Variants in SMOC1 observed in about 807,000 individuals in gnomAD.
The protein encoded by SMOC1 is SPARC related modular calcium binding 1, also known as SPARC-related modular calcium-binding protein 1.
Under a neutral mutation model 56.3 loss-of-function variants are expected in SMOC1, and 22 were observed. That is an observed-to-expected ratio of 0.39 (90% CI 0.28 to 0.56). SMOC1 has a LOEUF of 0.56. Among genes scored for constraint, SMOC1 ranks in the 20% least tolerant of loss-of-function variants. The pLI, the probability that SMOC1 is intolerant of heterozygous loss-of-function variation, is 0.61. For missense variants in SMOC1, 509 were observed against 565.4 expected (o/e 0.90, Z 1.01); for synonymous variants, 193 against 215.0 (o/e 0.90, Z 0.89).
At chr14:70,021,468 A>G (rs1344093286) in intron 10 of SMOC1, among the ~76,000 whole-genome samples, 2 of 152,192 alleles carry the variant, frequency 1.3e-5, no homozygotes, top group Non-Finnish European at 2.9e-5. Context: ...AGACCTCCTG[A>G]GCCTGGTTTC....
At chr14:70,030,015 T>C (rs920333752) in intron 11 of SMOC1, among the ~76,000 whole-genome samples, 1 of 152,172 alleles carries the variant, frequency 6.6e-6, no homozygotes, top group Non-Finnish European at 1.5e-5. Flanking sequence ...GTTGCAGTGG[T>C]GGTGCCTCAT....
Position 69,879,624 on chromosome 14 carries a change from C to A in SMOC1, c.-55C>A. On this transcript the variant is annotated 5_prime_UTR_variant, in exon 1 of 12. Coordinates refer to ENST00000361956, the MANE Select transcript of SMOC1 (RefSeq NM_001034852.3). ...GGAAGGAAGGGAGGCGCGCTGTGCG[C>A]CCCGCGGAGCCCGCGAACCCCGCTC... is the stretch of plus-strand genomic sequence containing the variant. 5.2e-6 allele frequency: 7 copies of A among 1,341,450 alleles called. No individual in the cohort carries two copies. Among genetic ancestry groups the A allele is most frequent in the Non-Finnish European group, 6.8e-6 (7 of 1,035,390 alleles). The allele number at this position is 1,341,450 out of a possible 1,614,324, so 83.1% of individuals were successfully genotyped here. A position where few individuals can be genotyped will look rare whatever the true frequency, so the allele number is the denominator to read the frequency against.
At chr14:69,920,084 T>G (rs940767902) in intron 1 of SMOC1, among the ~76,000 whole-genome samples, 1 of 152,162 alleles carries the variant, frequency 6.6e-6, no homozygotes, top group Non-Finnish European at 1.5e-5. Context: ...TAAAGGGATG[T>G]CTTCAGAGCA....
At chr14:69,892,790 A>G (rs1032278663) in intron 1 of SMOC1, among the ~76,000 whole-genome samples, 8 of 152,190 alleles carry the variant, frequency 5.3e-5, no homozygotes, top group Non-Finnish European at 1.2e-4. Context: ...GGATTCATTA[A>G]AAATCCTAAC....
At position 69,952,249 on chromosome 14, in the gene SMOC1, C is replaced by G; in HGVS notation, c.211C>G (p.Arg71Gly). The change falls in exon 2 of 12, where the codon CGA becomes GGA. Residue 71 changes from arginine (R) to glycine (G), a missense_variant. By Grantham distance (125) the Arg-to-Gly change is moderately radical. Coordinates refer to ENST00000361956, the MANE Select transcript of SMOC1 (RefSeq NM_001034852.3). ...CTACGAGTCCATGTGTGAGTACCAG[C>G]GAGCCAAGTGCCGAGACCCGACCCT... ...RSYESMCEYQ[R>G]AKCRDPTLGV... 6.2e-7 allele frequency: 1 copy of G among 1,614,152 alleles called. No individual in the cohort carries two copies. Among genetic ancestry groups the G allele is most frequent in the Non-Finnish European group, 8.5e-7 (1 of 1,180,022 alleles).
chr14:69,994,042 G>C (rs1046500734), intron 6 of SMOC1, among the ~76,000 whole-genome samples: 1 of 152,224 alleles, frequency 6.6e-6, no homozygotes, highest in African/African-American at 2.4e-5. Flanking sequence ...GCGTTCGTTT[G>C]TTGATTTATC....
chr14:69,994,042 G>A (rs1046500734), intron 6 of SMOC1, among the ~76,000 whole-genome samples: 5 of 152,224 alleles, frequency 3.3e-5, no homozygotes, highest in Admixed American at 3.3e-4. Context: ...GCGTTCGTTT[G>A]TTGATTTATC....
intron 1 of SMOC1, among the ~76,000 whole-genome samples, chr14:69,895,227 T>C (rs1055879338): frequency 3.3e-5 from 5 of 152,248 alleles, no homozygotes; most frequent in African/African-American, 1.2e-4. Context: ...CACCTGACTA[T>C]GCATGCATTT....
At chr14:70,013,588 G>A (rs1885410521) in intron 10 of SMOC1, 97 bp downstream of exon 10, 1 of 999,750 alleles carries the variant, frequency 1.0e-6, no homozygotes, top group East Asian at 2.4e-5. Flanking sequence ...AGGGTTTGAG[G>A]AGGGCAAGGG....
intron 1 of SMOC1, among the ~76,000 whole-genome samples, chr14:69,908,625 T>A (rs1366481864): frequency 6.6e-6 from 1 of 152,230 alleles, no homozygotes; most frequent in Non-Finnish European, 1.5e-5. Context: ...GGCCTCAGCA[T>A]CCTCTTTGCT....
intron 3 of SMOC1, among the ~76,000 whole-genome samples, chr14:69,963,598 G>A (rs1166277520): frequency 1.3e-5 from 2 of 152,032 alleles, no homozygotes; most frequent in African/African-American, 4.8e-5. Context: ...ATCCTCTGTG[G>A]GCATTAAGGT....
At chr14:69,928,234 C>G (rs376224738) in intron 1 of SMOC1, among the ~76,000 whole-genome samples, 1 of 152,170 alleles carries the variant, frequency 6.6e-6, no homozygotes, top group Non-Finnish European at 1.5e-5. Flanking sequence ...TTGGGCTTAC[C>G]TTGAGTCAGC....
intron 1 of SMOC1, among the ~76,000 whole-genome samples, chr14:69,940,452 A>G (rs2139414184): frequency 6.6e-6 from 1 of 152,304 alleles, no homozygotes; most frequent in African/African-American, 2.4e-5. Context: ...ATCTCATAGG[A>G]GTGTTCAGGA....
intron 7 of SMOC1, among the ~76,000 whole-genome samples, chr14:69,996,645 G>A (rs1390731280): frequency 2.6e-5 from 4 of 152,334 alleles, no homozygotes; most frequent in South Asian, 2.1e-4. Flanking sequence ...GCCTGGCCAC[G>A]TTTATTTTTC....
At position 69,896,940 on chromosome 14, in the gene SMOC1, C is replaced by T. The variant is rs74060499; in HGVS notation, c.99+17163C>T. 2.2e-3 allele frequency among the ~76,000 whole-genome samples: 330 copies of T among 152,266 alleles called. 1 individual carries two copies. The highest frequency in any genetic ancestry group is 6.7e-3 in the African/African-American group (278 of 41,540). On this transcript the variant is annotated intron_variant, in intron 1 of 11. Transcript: ENST00000361956. Reference sequence around the variant, plus strand: ...TCACCTTCTCCATATTTCTCTAAGACGGTGAGGAATCATAGGAAGTCTGTG... The same window carrying T: ...TCACCTTCTCCATATTTCTCTAAGATGGTGAGGAATCATAGGAAGTCTGTG...
chr14:69,963,612 C>T (rs1883464881), intron 3 of SMOC1, among the ~76,000 whole-genome samples: 1 of 149,778 alleles, frequency 6.7e-6, no homozygotes, highest in South Asian at 2.2e-4. Flanking sequence ...TTAAGGTTCT[C>T]AGCACATCAA....
intron 1 of SMOC1, among the ~76,000 whole-genome samples, chr14:69,893,067 T>C (rs1296073280): frequency 1.3e-5 from 2 of 152,250 alleles, no homozygotes; most frequent in Non-Finnish European, 2.9e-5. Context: ...CACTAGATTT[T>C]GCTGCCTGCA....
intron 1 of SMOC1, among the ~76,000 whole-genome samples, chr14:69,894,716 G>A (rs1305726175): frequency 6.6e-6 from 1 of 152,330 alleles, no homozygotes; most frequent in East Asian, 1.9e-4. Flanking sequence ...CCCTCTTACT[G>A]CATGACCAGT....
intron 1 of SMOC1, among the ~76,000 whole-genome samples, chr14:69,951,921 G>T (rs1883009514): frequency 6.6e-6 from 1 of 152,194 alleles, no homozygotes; most frequent in African/African-American, 2.4e-5. Context: ...GCCTGTTAAT[G>T]GTCAGTAATT....
Sources: gnomAD v4.1 joint callset for allele counts (sites outside exome capture counted in the v4.1 genomes callset) on GRCh38, gnomAD v4.1.1 for gene constraint, MANE v1.5 for transcripts, NCBI Gene and HGNC (gene_info 2026-07-23, HGNC 2026-07-21) for gene names.